The following RSF1 variants were observed in gnomAD, a reference collection of about 807,000 sequenced individuals.
RSF1 encodes remodeling and spacing factor 1.
In RSF1, 13 loss-of-function variants were observed where a neutral mutation model predicts 145.2. That is an observed-to-expected ratio of 0.09 (90% CI 0.06 to 0.14). The LOEUF is 0.14. Ranked by LOEUF, RSF1 falls within the 10% of genes least tolerant of loss-of-function variation. The pLI is 1.00. For missense variants in RSF1, 1,517 were observed against 1,718.2 expected (o/e 0.88, Z 2.07); for synonymous variants, 577 against 592.6 (o/e 0.97, Z 0.38).
chr11:77,754,764 A>C (rs1389199783), intron 2 of RSF1, among the ~76,000 whole-genome samples: 1 of 152,004 alleles, frequency 6.6e-6, no homozygotes, highest in African/African-American at 2.4e-5. Context: ...AACCCCCAAA[A>C]AACAAAAACT....
At chr11:77,858,142 C>T in the RSF1 span, among the ~76,000 whole-genome samples, 1 of 151,620 alleles carries the variant, frequency 6.6e-6, no homozygotes, top group African/African-American at 2.4e-5. Context: ...CGTCAGCCTC[C>T]TGAGTAGCTG....
chr11:77,723,620 G>A (rs781594195), intron 5 of RSF1, among the ~76,000 whole-genome samples: 11 of 152,128 alleles, frequency 7.2e-5, no homozygotes, highest in East Asian at 1.9e-4. Context: ...TCAACATTTC[G>A]GCTAAAAGCA....
chr11:77,828,293 AAC>A, the RSF1 span, among the ~76,000 whole-genome samples: 1 of 151,996 alleles, frequency 6.6e-6, no homozygotes, highest in Non-Finnish European at 1.5e-5. Context: ...AAAATACACA[AAC>A]AGCAAAAAAA....
At chr11:77,687,610 G>A (rs1250172460) in intron 9 of RSF1, among the ~76,000 whole-genome samples, 2 of 152,132 alleles carry the variant, frequency 1.3e-5, no homozygotes, top group African/African-American at 2.4e-5. Context: ...AGGAGGCTGA[G>A]GTGGGAGGAT....
rs1197201562 is a variant in RSF1, at chr11:77,664,079, T to C, written c.*2838A>G. 2 of 152,226 alleles carry C rather than the reference T, an allele frequency of 1.3e-5. No individual in the cohort carries two copies. Among genetic ancestry groups the C allele is most frequent in the South Asian group, 4.1e-4 (2 of 4,832 alleles). 9.4% of individuals were successfully genotyped at this position (152,226 alleles called of 1,614,324 possible). A position where few individuals can be genotyped will look rare whatever the true frequency, so the allele number is the denominator to read the frequency against. On this transcript the variant is annotated 3_prime_UTR_variant, in exon 16 of 16. Transcript: ENST00000308488. ...TCGTAGTGACTGTATTGTCTTTGTA[T>C]ACAGAACATTTCGTTTTCTAAAATT...
intron 1 of RSF1, among the ~76,000 whole-genome samples, chr11:77,789,655 C>A (rs1043392189): frequency 6.6e-6 from 1 of 152,202 alleles, no homozygotes; most frequent in Non-Finnish European, 1.5e-5. Context: ...AGTGGCAGGG[C>A]CCCAACACAT....
intron 15 of RSF1, among the ~76,000 whole-genome samples, chr11:77,668,834 A>G (rs182945656): frequency 6.6e-6 from 1 of 152,198 alleles, no homozygotes; most frequent in Non-Finnish European, 1.5e-5. Context: ...TCAATCCTCC[A>G]TGGATACTGA....
the RSF1 span, among the ~76,000 whole-genome samples, chr11:77,859,369 C>CT: frequency 5.9e-5 from 9 of 152,172 alleles, no homozygotes; most frequent in Non-Finnish European, 1.3e-4. Context: ...ACTGCTACCT[C>CT]TTTAGGTTTC....
the RSF1 span, among the ~76,000 whole-genome samples, chr11:77,831,144 CAGAAAAA>C: frequency 7.4e-4 from 112 of 152,020 alleles, no homozygotes; most frequent in South Asian, 2.1e-3. Context: ...GACCCTGTCT[CAGAAAAA>C]AGAAAGAAGG....
chr11:77,853,747 C>A, the RSF1 span, among the ~76,000 whole-genome samples: 1 of 151,960 alleles, frequency 6.6e-6, no homozygotes, highest in Non-Finnish European at 1.5e-5. Context: ...TCAAGACCAG[C>A]CTGGCCAACA....
intron 2 of RSF1, among the ~76,000 whole-genome samples, chr11:77,752,866 G>C (rs1948078288): frequency 2.0e-5 from 3 of 152,122 alleles, no homozygotes; most frequent in Admixed American, 1.3e-4. Context: ...GATAAAACAG[G>C]TTGCAGTAAA....
intron 4 of RSF1, chr11:77,735,015 C>T (rs1042244704): frequency 2.5e-6 from 4 of 1,576,704 alleles, no homozygotes; most frequent in African/African-American, 2.7e-5. Flanking sequence ...GTGAGGTGGA[C>T]GTGGTCCTCA....
intron 1 of RSF1, chr11:77,813,275 ATT>A: frequency 1.5e-6 from 1 of 680,124 alleles, no homozygotes; most frequent in Non-Finnish European, 2.7e-6. Context: ...GCCATTTATA[ATT>A]TTTTTTTAAC....
chr11:77,756,398 TACA>T (rs1948116822), intron 2 of RSF1, among the ~76,000 whole-genome samples: 1 of 151,754 alleles, frequency 6.6e-6, no homozygotes, highest in South Asian at 2.1e-4. Flanking sequence ...CAATTCTTAC[TACA>T]ATAATAACAT....
intron 1 of RSF1, among the ~76,000 whole-genome samples, chr11:77,794,080 A>G (rs1590891042): frequency 6.6e-6 from 1 of 152,324 alleles, no homozygotes; most frequent in Admixed American, 6.5e-5. Flanking sequence ...CTCCAGTATA[A>G]TAACAGTGAG....
chr11:77,740,323 C>T (rs572690825), intron 4 of RSF1, among the ~76,000 whole-genome samples: 3 of 152,228 alleles, frequency 2.0e-5, no homozygotes, highest in South Asian at 2.1e-4. Context: ...TACAGTGAGC[C>T]GAGATTGCGC....
chr11:77,677,201 TTTAC>T, intron 12 of RSF1: 1 of 561,468 alleles, frequency 1.8e-6, no homozygotes, highest in Middle Eastern at 4.7e-4. Flanking sequence ...TGAAGAGAAG[TTTAC>T]TATGTAGGGA....
At chr11:77,796,557 G>C (rs1948574391) in intron 1 of RSF1, among the ~76,000 whole-genome samples, 1 of 152,104 alleles carries the variant, frequency 6.6e-6, no homozygotes, top group Non-Finnish European at 1.5e-5. Flanking sequence ...GTATCGTACT[G>C]AACAGGCAAA....
rs528197242 is a variant in RSF1 at position 77,666,276 on chromosome 11, A to G, written c.*641T>C. ...TTTTTTAAACAAGAAACTCTGCTAT[A>G]ACAAAAATTTAGGTTAATTATGATG... On this transcript the variant is annotated 3_prime_UTR_variant, in exon 16 of 16. Coordinates refer to ENST00000308488, the MANE Select transcript of RSF1 (RefSeq NM_016578.4). 4.4e-4 allele frequency: 67 copies of G among 152,638 alleles called. No individual in the cohort carries two copies. Among genetic ancestry groups the G allele is most frequent in the African/African-American group, 1.6e-3 (66 of 41,572 alleles). The allele number at this position is 152,638 out of a possible 1,614,324, so 9.5% of individuals were successfully genotyped here.
Sources: allele counts gnomAD v4.1 joint callset (sites outside exome capture counted in the v4.1 genomes callset), GRCh38; gene constraint gnomAD v4.1.1; transcripts MANE v1.5; gene names NCBI Gene and HGNC (gene_info 2026-07-23, HGNC 2026-07-21).